RANBP2: variants seen among roughly 807,000 people sequenced by gnomAD.
RANBP2 encodes RAN binding protein 2.
Under a neutral mutation model 303.6 loss-of-function variants are expected in RANBP2, and 57 were observed. The ratio of observed to expected loss-of-function variants is 0.19; its 90% CI spans 0.15 to 0.23. RANBP2 has a LOEUF of 0.23. Among genes scored for constraint, RANBP2 ranks in the 10% least tolerant of loss-of-function variants. The pLI, the probability that RANBP2 is intolerant of heterozygous loss-of-function variation, is 1.00. For synonymous variants in RANBP2, 1,167 were observed against 1,301.5 expected (o/e 0.90, Z 2.23); for missense variants, 3,138 against 3,780.8 (o/e 0.83, Z 4.46).
chr2:108,988,432 CCTT>C, the RANBP2 span, among the ~76,000 whole-genome samples: 2 of 152,180 alleles, frequency 1.3e-5, no homozygotes, highest in Non-Finnish European at 2.9e-5. Flanking sequence ...CCACTCCCCT[CCTT>C]CTCTCCCTCT....
the RANBP2 span, among the ~76,000 whole-genome samples, chr2:109,280,167 A>T: frequency 6.6e-6 from 1 of 152,152 alleles, no homozygotes; most frequent in Non-Finnish European, 1.5e-5. Flanking sequence ...AAGAGCTGAC[A>T]TCTATAATTA....
At chr2:109,290,162 GC>G in the RANBP2 span, among the ~76,000 whole-genome samples, 14 of 152,174 alleles carry the variant, frequency 9.2e-5, no homozygotes, top group Admixed American at 4.6e-4. Context: ...TCCTGGATGA[GC>G]CAGATCCCTT....
At chr2:108,965,503 C>G in the RANBP2 span, among the ~76,000 whole-genome samples, 8 of 151,820 alleles carry the variant, frequency 5.3e-5, no homozygotes, top group Admixed American at 1.3e-4. Flanking sequence ...CCAGTTGTTC[C>G]CAGATACAGG....
At chr2:109,497,815 A>T in the RANBP2 span, among the ~76,000 whole-genome samples, 1 of 152,260 alleles carries the variant, frequency 6.6e-6, no homozygotes, top group African/African-American at 2.4e-5. Context: ...TTATATTTTT[A>T]AAGCTGCTTG....
At chr2:109,710,159 A>G in the RANBP2 span, among the ~76,000 whole-genome samples, 1 of 151,680 alleles carries the variant, frequency 6.6e-6, no homozygotes, top group Non-Finnish European at 1.5e-5. Flanking sequence ...AGACGGGTGG[A>G]TCACTTGAGG....
chr2:109,517,042 C>T, the RANBP2 span, among the ~76,000 whole-genome samples: 7 of 152,172 alleles, frequency 4.6e-5, no homozygotes, highest in Non-Finnish European at 1.0e-4. Context: ...GAGCTTTGCT[C>T]CCCTGCAAAC....
At chr2:109,152,504 G>A in the RANBP2 span, among the ~76,000 whole-genome samples, 1 of 152,238 alleles carries the variant, frequency 6.6e-6, no homozygotes, top group Non-Finnish European at 1.5e-5. Context: ...CATTCAGAGC[G>A]AAAGCTCATT....
chr2:109,367,917 A>G, the RANBP2 span, among the ~76,000 whole-genome samples: 1 of 152,174 alleles, frequency 6.6e-6, no homozygotes, highest in Non-Finnish European at 1.5e-5. Context: ...CCCCACCAAA[A>G]ATGGGAAAGT....
the RANBP2 span, among the ~76,000 whole-genome samples, chr2:109,016,233 C>T: frequency 6.6e-6 from 1 of 152,036 alleles, no homozygotes; most frequent in Non-Finnish European, 1.5e-5. Flanking sequence ...AGGCGCCGGC[C>T]ACCACGCCCG....
the RANBP2 span, among the ~76,000 whole-genome samples, chr2:108,944,765 C>T: frequency 2.0e-5 from 3 of 152,276 alleles, no homozygotes; most frequent in Admixed American, 2.0e-4. Flanking sequence ...AGAGCCGGTC[C>T]CAGACCTTCC....
At chr2:109,735,646 A>T in the RANBP2 span, among the ~76,000 whole-genome samples, 2 of 152,160 alleles carry the variant, frequency 1.3e-5, no homozygotes, top group Non-Finnish European at 2.9e-5. Flanking sequence ...ATTTTTTTTT[A>T]ACTTAAATGC....
chr2:109,145,065 G>A, the RANBP2 span, among the ~76,000 whole-genome samples: 1 of 152,218 alleles, frequency 6.6e-6, no homozygotes, highest in African/African-American at 2.4e-5. Context: ...TAAGCAGAGT[G>A]TTAAGGGCCC....
chr2:109,766,838 C>T, the RANBP2 span, among the ~76,000 whole-genome samples: 2 of 150,100 alleles, frequency 1.3e-5, no homozygotes, highest in Non-Finnish European at 2.9e-5. Flanking sequence ...GTGGCAAAAT[C>T]GAGGCCCCGT....
chr2:109,063,459 C>T, the RANBP2 span, among the ~76,000 whole-genome samples: 1 of 152,242 alleles, frequency 6.6e-6, no homozygotes, highest in South Asian at 2.1e-4. Flanking sequence ...GCTTCAGAAA[C>T]GAGCGCATGG....
At chr2:108,846,461 T>G in the RANBP2 span, among the ~76,000 whole-genome samples, 1 of 151,830 alleles carries the variant, frequency 6.6e-6, no homozygotes, top group Admixed American at 6.6e-5. Flanking sequence ...GGAGGATCAC[T>G]TGAGCCCAAG....
At chr2:109,766,512 G>T in the RANBP2 span, among the ~76,000 whole-genome samples, 1 of 150,578 alleles carries the variant, frequency 6.6e-6, no homozygotes, top group African/African-American at 2.4e-5. Flanking sequence ...TCTTGATGAC[G>T]TTGAAGATGA....
At chr2:109,318,100 C>CAAA in the RANBP2 span, among the ~76,000 whole-genome samples, 40,290 of 134,038 alleles carry the variant, frequency 0.3, 6,493 homozygotes, top group African/African-American at 0.47. Flanking sequence ...TTTCAGTACG[C>CAAA]AAAAAAAAAA....
At chr2:109,333,088 C>T in the RANBP2 span, among the ~76,000 whole-genome samples, 1 of 152,248 alleles carries the variant, frequency 6.6e-6, no homozygotes, top group East Asian at 1.9e-4. Flanking sequence ...AGCTCCAGTG[C>T]TGCCTCAGTG....
chr2:109,483,029 A>G, the RANBP2 span, among the ~76,000 whole-genome samples: 2 of 152,082 alleles, frequency 1.3e-5, no homozygotes, highest in Non-Finnish European at 2.9e-5. Flanking sequence ...TTTCCTCTGT[A>G]TTCATTGTAG....
Sources: gnomAD v4.1 joint callset for allele counts (sites outside exome capture counted in the v4.1 genomes callset) on GRCh38, gnomAD v4.1.1 for gene constraint, MANE v1.5 for transcripts, NCBI Gene and HGNC (gene_info 2026-07-23, HGNC 2026-07-21) for gene names.